Variants in DCDC2 observed in about 807,000 individuals in gnomAD.
DCDC2 encodes the protein doublecortin domain containing 2, also known as doublecortin domain-containing protein 2.
In DCDC2, 40 loss-of-function variants were observed where a neutral mutation model predicts 50.2. That is an observed-to-expected ratio of 0.80 (90% CI 0.62 to 1.04). DCDC2 has a LOEUF of 1.04. DCDC2 is among the 50% of genes least tolerant of loss of function. The probability of loss-of-function intolerance (pLI) is 0.00; values close to 1 mark genes in which losing one functional copy is unlikely to be tolerated. For missense variants in DCDC2, 570 were observed against 581.9 expected (o/e 0.98, Z 0.21); for synonymous variants, 234 against 210.6 (o/e 1.11, Z -0.96).
intron 3 of DCDC2, 39 bp downstream of exon 3, chr6:24,301,929 A>C: frequency 1.9e-6 from 3 of 1,611,952 alleles, no homozygotes; most frequent in South Asian, 1.1e-5. Context: ...GAAACCACCA[A>C]GCCAATTTTA....
chr6:24,280,888 C>T (rs182742128), intron 6 of DCDC2, among the ~76,000 whole-genome samples: 4 of 152,194 alleles, frequency 2.6e-5, no homozygotes, highest in East Asian at 3.9e-4. Context: ...ACCTTTCACA[C>T]GCCGTTAGCA....
Position 24,220,879 on chromosome 6 carries a change from A to AGAGCGAGAGAGCGAGC in DCDC2, c.923-15778_923-15777insGCTCGCTCTCTCGCTC. 7.0e-4 allele frequency among the ~76,000 whole-genome samples: 75 copies of AGAGCGAGAGAGCGAGC among 107,028 alleles called. 4 individuals carry two copies. Among genetic ancestry groups the AGAGCGAGAGAGCGAGC allele is most frequent in the Middle Eastern group, 4.4e-3 (1 of 226 alleles). The allele number at this position is 107,028 out of a possible 152,430, so 70.2% of individuals were successfully genotyped here. A position where few individuals can be genotyped will look rare whatever the true frequency, so the allele number is the denominator to read the frequency against. ...GAGAGAGACAGAGAGCAAGAGAGCGAGAGCGAGAGAGTGAGCGAGCGAGCG... is the reference window on the plus strand; with the variant it reads ...GAGAGAGACAGAGAGCAAGAGAGCGAGAGCGAGAGAGCGAGCGAGCGAGAGAGTGAGCGAGCGAGCG... On this transcript the variant is annotated intron_variant, in intron 7 of 9. Coordinates refer to ENST00000378454, the MANE Select transcript of DCDC2 (RefSeq NM_016356.5).
chr6:24,190,841 T>TAC (rs1331020574), intron 8 of DCDC2, among the ~76,000 whole-genome samples: 3 of 152,242 alleles, frequency 2.0e-5, no homozygotes, highest in African/African-American at 7.2e-5. Flanking sequence ...ATATACCATT[T>TAC]ACACATAATC....
chr6:24,203,699 G>A (rs1761639130), intron 8 of DCDC2, among the ~76,000 whole-genome samples: 1 of 152,008 alleles, frequency 6.6e-6, no homozygotes, highest in Non-Finnish European at 1.5e-5. Context: ...GAGTGAACAG[G>A]CAACCTACAG....
At chr6:24,178,282 C>A in intron 9 of DCDC2, 48 bp downstream of exon 9, 3 of 1,550,774 alleles carry the variant, frequency 1.9e-6, no homozygotes, top group Non-Finnish European at 2.6e-6. Context: ...CATGTACACA[C>A]ACACATATTC....
intron 2 of DCDC2, among the ~76,000 whole-genome samples, chr6:24,322,492 C>CT (rs56932924): frequency 0.013 from 1,919 of 142,314 alleles, 53 homozygotes; most frequent in African/African-American, 0.042. Context: ...GTTTTCCTTC[C>CT]TTTTTTTTTT....
intron 7 of DCDC2, among the ~76,000 whole-genome samples, chr6:24,245,395 C>T (rs946400850): frequency 1.3e-5 from 2 of 152,094 alleles, no homozygotes; most frequent in African/African-American, 4.8e-5. Flanking sequence ...GTCCACTAGA[C>T]CAGAAAGTAG....
intron 2 of DCDC2, among the ~76,000 whole-genome samples, chr6:24,315,193 A>G (rs1759639390): frequency 1.3e-5 from 2 of 150,856 alleles, no homozygotes; most frequent in Non-Finnish European, 2.9e-5. Flanking sequence ...TTTTTAAATA[A>G]CCAGCCCCAT....
intron 7 of DCDC2, among the ~76,000 whole-genome samples, chr6:24,253,686 G>C (rs1054704855): frequency 6.6e-6 from 1 of 151,928 alleles, no homozygotes; most frequent in Non-Finnish European, 1.5e-5. Context: ...AAAAAGTACA[G>C]TAAAAAAAAA....
chr6:24,274,758 C>G (rs867989213), intron 7 of DCDC2, among the ~76,000 whole-genome samples: 1 of 150,942 alleles, frequency 6.6e-6, no homozygotes, highest in South Asian at 2.1e-4. Flanking sequence ...TAAAAAATAA[C>G]GAAAAAATAT....
chr6:24,205,396 T>C lies in DCDC2; in HGVS notation c.923-294A>G, dbSNP rs1343782887. 5.1e-6 allele frequency: 7 copies of C among 1,377,364 alleles called. No homozygotes were observed. The Admixed American group carries it at 1.2e-4, about 23-fold the overall frequency. 85.3% of individuals were successfully genotyped at this position (1,377,364 alleles called of 1,614,324 possible). ...ACTAACATAGCCCTTTGTACAGGCA[T>C]TGAGATGAGAAGAAATTCACAAGTA... On this transcript the variant is annotated intron_variant, in intron 7 of 9. Coordinates refer to ENST00000378454, the MANE Select transcript of DCDC2 (RefSeq NM_016356.5).
chr6:24,245,399 A>T (rs1482216354), intron 7 of DCDC2, among the ~76,000 whole-genome samples: 1 of 152,204 alleles, frequency 6.6e-6, no homozygotes, highest in East Asian at 1.9e-4. Flanking sequence ...ACTAGACCAG[A>T]AAGTAGAAAG....
the DCDC2 span, among the ~76,000 whole-genome samples, chr6:24,382,183 A>G: frequency 2.0e-5 from 3 of 152,124 alleles, no homozygotes; most frequent in African/African-American, 7.2e-5. Flanking sequence ...GTCACTCTCA[A>G]TGGGAGCAAG....
At position 24,357,379 on chromosome 6, in the gene DCDC2, G is replaced by A. The variant is rs140803474; in HGVS notation, c.293+79C>T. The A allele has an allele frequency of 0.023, 34,139 of 1,468,030 alleles. 542 individuals are homozygous for A. Among genetic ancestry groups the A allele is most frequent in the African/African-American group, 0.043 (3,052 of 71,096 alleles). The allele number at this position is 1,468,030 out of a possible 1,614,324, so 90.9% of individuals were successfully genotyped here. ...CCCTCAACCACTGAGGTGTGGGGGG[G>A]TAGGGATCTGCATTTCTTCATATCA... is the stretch of plus-strand genomic sequence containing the variant. On this transcript the variant is annotated intron_variant, in intron 1 of 9. Transcript: ENST00000378454.
At chr6:24,329,145 T>C (rs1251049006) in intron 2 of DCDC2, among the ~76,000 whole-genome samples, 3 of 152,124 alleles carry the variant, frequency 2.0e-5, no homozygotes, top group Non-Finnish European at 2.9e-5. Context: ...CCCTCCCTAC[T>C]GACGGAAACA....
chr6:24,281,778 C>T (rs753005995), intron 6 of DCDC2, among the ~76,000 whole-genome samples: 4 of 152,158 alleles, frequency 2.6e-5, no homozygotes, highest in Non-Finnish European at 4.4e-5. Flanking sequence ...GGGAGTTTTG[C>T]TATCTCATAC....
At chr6:24,205,436 C>T in intron 7 of DCDC2, 1 of 1,099,348 alleles carries the variant, frequency 9.1e-7, no homozygotes, top group East Asian at 2.6e-5. Flanking sequence ...CCCAGTTCTC[C>T]CCTCCTATTC....
intron 7 of DCDC2, among the ~76,000 whole-genome samples, chr6:24,210,220 T>C (rs1761836282): frequency 6.6e-6 from 1 of 152,178 alleles, no homozygotes; most frequent in Admixed American, 6.5e-5. Flanking sequence ...ATCTACACAC[T>C]TTCTAGATTA....
At chr6:24,322,654 G>GC (rs1759793216) in intron 2 of DCDC2, among the ~76,000 whole-genome samples, 1 of 152,032 alleles carries the variant, frequency 6.6e-6, no homozygotes, top group African/African-American at 2.4e-5. Flanking sequence ...GTCTTTAACC[G>GC]GAACATTCTT....
Sources: gnomAD v4.1 joint callset for allele counts (sites outside exome capture counted in the v4.1 genomes callset) on GRCh38, gnomAD v4.1.1 for gene constraint, MANE v1.5 for transcripts, NCBI Gene and HGNC (gene_info 2026-07-23, HGNC 2026-07-21) for gene names.